MGMT: variants seen among roughly 807,000 people sequenced by gnomAD.
MGMT encodes O-6-methylguanine-DNA methyltransferase.
MGMT carries 14 observed loss-of-function variants against 15.9 expected under a neutral mutation model. The ratio of observed to expected loss-of-function variants is 0.88; its 90% CI spans 0.58 to 1.37. MGMT has a LOEUF of 1.37. Among genes scored for constraint, MGMT ranks in the 40% most tolerant of loss-of-function variants. The pLI, the probability that MGMT is intolerant of heterozygous loss-of-function variation, is 0.00. For synonymous variants in MGMT, 130 were observed against 118.2 expected, an observed-to-expected ratio of 1.10 and a Z score of -0.65; for missense variants, 282 against 268.1, an observed-to-expected ratio of 1.05 and a Z score of -0.36.
intron 2 of MGMT, among the ~76,000 whole-genome samples, chr10:129,538,687 G>A (rs896070848): frequency 6.6e-6 from 1 of 151,866 alleles, no homozygotes. Flanking sequence ...CTAGGCTGGA[G>A]TGCAGTGGTG....
chr10:129,480,709 C>A (rs1309618490), intron 1 of MGMT, among the ~76,000 whole-genome samples: 2 of 152,180 alleles, frequency 1.3e-5, no homozygotes, highest in African/African-American at 4.8e-5. Context: ...AAGATCCCGT[C>A]TCTACAAAAA....
At chr10:129,721,332 C>G (rs1002550575) in intron 3 of MGMT, among the ~76,000 whole-genome samples, 9 of 152,242 alleles carry the variant, frequency 5.9e-5, no homozygotes, top group Admixed American at 1.3e-4. Flanking sequence ...GGGAACTATA[C>G]AGAGAAAGAA....
At position 129,646,193 on chromosome 10, in the gene MGMT, TC is replaced by T. The variant is rs528271475; in HGVS notation, c.126-61698del. Among the ~76,000 whole-genome samples the T allele has an allele frequency of 1.9e-3, 286 of 152,168 alleles. 1 individual carries two copies. The highest frequency in any genetic ancestry group is 6.1e-3 in the African/African-American group (253 of 41,522). On this transcript the variant is annotated intron_variant, in intron 2 of 4. Transcript: ENST00000651593. Reference sequence around the variant, plus strand: ...GAAGGGAAGGCAGATAGGAGTCCAGTCCCCAGGACTCTGAGGCCCCACCTTG... The same window carrying T: ...GAAGGGAAGGCAGATAGGAGTCCAGTCCCAGGACTCTGAGGCCCCACCTTG...
chr10:129,539,451 G>C (rs1283875851), intron 2 of MGMT, among the ~76,000 whole-genome samples: 2 of 152,136 alleles, frequency 1.3e-5, no homozygotes, highest in African/African-American at 4.8e-5. Context: ...ACCTTTGCCT[G>C]TTCTATGCCC....
chr10:129,665,631 C>T (rs996286551), intron 2 of MGMT, among the ~76,000 whole-genome samples: 3 of 151,996 alleles, frequency 2.0e-5, no homozygotes, highest in African/African-American at 7.3e-5. Context: ...AAGAGGTTTC[C>T]TATAAAGGAC....
At chr10:129,733,632 C>T (rs1375351640) in intron 3 of MGMT, among the ~76,000 whole-genome samples, 8 of 152,066 alleles carry the variant, frequency 5.3e-5, no homozygotes, top group African/African-American at 9.7e-5. Context: ...GAAGTCCTTG[C>T]CCATGCCTAT....
intron 2 of MGMT, among the ~76,000 whole-genome samples, chr10:129,581,319 T>C (rs2133046840): frequency 6.6e-6 from 1 of 152,250 alleles, no homozygotes; most frequent in African/African-American, 2.4e-5. Flanking sequence ...CAAGCCACCA[T>C]TTAATTGGGG....
chr10:129,529,755 A>G (rs777696348), intron 1 of MGMT, among the ~76,000 whole-genome samples: 14 of 152,234 alleles, frequency 9.2e-5, no homozygotes, highest in Non-Finnish European at 1.3e-4. Context: ...TGAGATCACA[A>G]TAAGTGGAGA....
At chr10:129,467,472 C>T (rs1845181664) in intron 1 of MGMT, 176 bp downstream of exon 1, 10 of 970,032 alleles carry the variant, frequency 1.0e-5, no homozygotes, top group African/African-American at 1.8e-5. Flanking sequence ...AGGTGTTGCC[C>T]AGCCTTTCCC....
At chr10:129,676,124 G>T (rs1847782742) in intron 2 of MGMT, among the ~76,000 whole-genome samples, 1 of 152,196 alleles carries the variant, frequency 6.6e-6, no homozygotes. Context: ...CCCAGATGGG[G>T]AGTCGGGGTG....
intron 2 of MGMT, chr10:129,694,007 T>C (rs1056754197): frequency 6.6e-6 from 1 of 152,212 alleles, no homozygotes; most frequent in Non-Finnish European, 1.5e-5. Context: ...CAGTCTGTCC[T>C]TGGGGACTGG....
intron 2 of MGMT, chr10:129,537,199 G>C (rs1845995698): frequency 6.6e-6 from 1 of 151,458 alleles, no homozygotes. Context: ...CTCTTAACTG[G>C]CTAATAAACA....
intron 3 of MGMT, among the ~76,000 whole-genome samples, chr10:129,753,702 G>C (rs1455367492): frequency 1.3e-5 from 2 of 152,138 alleles, no homozygotes; most frequent in East Asian, 3.9e-4. Context: ...TTTGTTTCAA[G>C]AGTGTCTTCC....
chr10:129,726,418 C>T (rs894742560), intron 3 of MGMT, among the ~76,000 whole-genome samples: 4 of 152,086 alleles, frequency 2.6e-5, no homozygotes, highest in African/African-American at 7.2e-5. Context: ...GGTTGCCCGC[C>T]CATGGGTGTT....
chr10:129,666,827 T>G (rs1847664503), intron 2 of MGMT, among the ~76,000 whole-genome samples: 1 of 152,234 alleles, frequency 6.6e-6, no homozygotes, highest in African/African-American at 2.4e-5. Flanking sequence ...GTAGAAGTTT[T>G]TGTTTCTAAT....
intron 4 of MGMT, among the ~76,000 whole-genome samples, chr10:129,763,885 C>T (rs1397778509): frequency 1.3e-5 from 2 of 152,210 alleles, no homozygotes; most frequent in African/African-American, 4.8e-5. Context: ...CTCTAGTAAA[C>T]TCAATGTTAA....
chr10:129,693,046 T>C (rs1847987336), intron 2 of MGMT, among the ~76,000 whole-genome samples: 1 of 152,254 alleles, frequency 6.6e-6, no homozygotes, highest in Non-Finnish European at 1.5e-5. Context: ...TTTAGTGCAG[T>C]ATTAACACAT....
At chr10:129,529,988 C>T (rs1845913150) in intron 1 of MGMT, among the ~76,000 whole-genome samples, 1 of 152,140 alleles carries the variant, frequency 6.6e-6, no homozygotes, top group Admixed American at 6.5e-5. Context: ...GCAGCCTCGA[C>T]CTCCTGGGCT....
intron 3 of MGMT, among the ~76,000 whole-genome samples, chr10:129,741,971 G>A (rs1430914546): frequency 1.3e-5 from 2 of 152,340 alleles, no homozygotes; most frequent in South Asian, 2.1e-4. Flanking sequence ...TGCAACGCCA[G>A]CTTTGCAAAG....
Sources: gnomAD v4.1 joint callset for allele counts (sites outside exome capture counted in the v4.1 genomes callset) on GRCh38, gnomAD v4.1.1 for gene constraint, MANE v1.5 for transcripts, NCBI Gene and HGNC (gene_info 2026-07-23, HGNC 2026-07-21) for gene names.